The following HMOX1 variants were observed in gnomAD, a reference collection of about 807,000 sequenced individuals.
HMOX1 encodes heat shock protein, 32-kD.
A neutral mutation model predicts 27.8 loss-of-function variants in HMOX1; 22 were observed. The ratio of observed to expected loss-of-function variants is 0.79; its 90% CI spans 0.57 to 1.13. The LOEUF (loss-of-function observed/expected upper bound fraction) is 1.13. HMOX1 is among the 50% of genes most tolerant of loss of function. The pLI, the probability that HMOX1 is intolerant of heterozygous loss-of-function variation, is 0.00. For synonymous variants in HMOX1, 153 were observed against 151.6 expected (o/e 1.01, Z -0.07); for missense variants, 379 against 377.7 (o/e 1.00, Z -0.03).
chr22:35,389,341 C>CTTCTCCT (rs1439407164), intron 3 of HMOX1, among the ~76,000 whole-genome samples: 1 of 62,538 alleles, frequency 1.6e-5, no homozygotes. Flanking sequence ...TTTCTTTCTT[C>CTTCTCCT]TCCTTCCTTC....
At chr22:35,389,438 TTCTTTCTTTCTTTTCTTTCTTTCTTGCA>T (rs1403539666) in intron 3 of HMOX1, among the ~76,000 whole-genome samples, 7 of 119,630 alleles carry the variant, frequency 5.9e-5, no homozygotes, top group African/African-American at 2.6e-4. Flanking sequence ...CTATCTTTCT[TTCTTTCTTTCTTTTCTTTCTTTCTTGCA>T]GAGTCTCGCC....
chr22:35,387,870 G>A (rs573933152), intron 3 of HMOX1, among the ~76,000 whole-genome samples: 22 of 152,320 alleles, frequency 1.4e-4, no homozygotes, highest in African/African-American at 5.3e-4. Context: ...TCTGGTCCTG[G>A]CCCCTGTTAC....
chr22:35,386,112 C>T (rs1316208872), intron 2 of HMOX1, among the ~76,000 whole-genome samples: 16 of 151,918 alleles, frequency 1.1e-4, no homozygotes, highest in African/African-American at 2.7e-4. Context: ...CCCGCCACCA[C>T]GCCCGGCTAA....
At chr22:35,384,127 G>T (rs1931451293) in intron 2 of HMOX1, among the ~76,000 whole-genome samples, 1 of 151,746 alleles carries the variant, frequency 6.6e-6, no homozygotes, top group African/African-American at 2.4e-5. Context: ...TGTTGTCCGG[G>T]CTGGAGTGCA....
chr22:35,393,182 G>T (rs1931765735), intron 4 of HMOX1, among the ~76,000 whole-genome samples: 1 of 152,196 alleles, frequency 6.6e-6, no homozygotes, highest in Non-Finnish European at 1.5e-5. Flanking sequence ...GAGAGGACAG[G>T]GAGCAGGCAG....
At chr22:35,388,840 C>T (rs575684452) in intron 3 of HMOX1, among the ~76,000 whole-genome samples, 1 of 151,860 alleles carries the variant, frequency 6.6e-6, no homozygotes, top group South Asian at 2.1e-4. Context: ...TAGTGCCTGA[C>T]CTCTGGATCA....
In HMOX1 at chr22:35,389,915, C is replaced by A; in HGVS notation, c.688C>A (p.Pro230Thr). The A allele has an allele frequency of 1.9e-6, 3 of 1,612,168 alleles. 1 individual carries two copies. In the South Asian group the frequency reaches 3.3e-5, roughly 18 times the overall value. The change falls in exon 4 of 5, where the codon CCC becomes ACC. Residue 230 changes from proline to threonine, a missense_variant. By Grantham distance (38) the Pro-to-Thr change is conservative (BLOSUM62 -1). Transcript: ENST00000216117. ...GACCCATGACACCAAGGACCAGAGC[C>A]CCTCACGGGCACCAGGGCTTCGCCA... The part of the protein sequence containing the change: ...LLTHDTKDQS[P>T]SRAPGLRQRA...
intron 3 of HMOX1, among the ~76,000 whole-genome samples, chr22:35,389,520 G>A (rs904510143): frequency 7.3e-5 from 11 of 150,274 alleles, no homozygotes; most frequent in Non-Finnish European, 1.5e-5. Flanking sequence ...TTGGCTCACT[G>A]CAACCTCAGC....
intron 4 of HMOX1, chr22:35,390,236 T>C (rs1020687710): frequency 7.4e-5 from 34 of 460,524 alleles, no homozygotes; most frequent in East Asian, 2.1e-4. Flanking sequence ...GAATGTTTGT[T>C]GTTGTTGTTG....
intron 3 of HMOX1, among the ~76,000 whole-genome samples, chr22:35,388,802 C>CAAAAAAAAA: frequency 7.2e-6 from 1 of 138,954 alleles, no homozygotes; most frequent in Non-Finnish European, 1.5e-5. Flanking sequence ...GTATTAAAAA[C>CAAAAAAAAA]AAAAAACAAA....
rs574454960 is a variant in HMOX1, at chr22:35,386,764, C to T, written c.224C>T (p.Ala75Val). The part of the protein sequence containing the change: ...IERNKESPVF[A>V]PVYFPEELHR... ...CGCAACAAGGAGAGCCCAGTCTTCG[C>T]CCCTGTCTACTTCCCAGAAGAGCTG... Residue 75 changes from alanine (A) to valine (V), a missense_variant, in exon 3 of 5, where the codon GCC becomes GTC. Coordinates refer to ENST00000216117, the MANE Select transcript of HMOX1 (RefSeq NM_002133.3). The T allele has an allele frequency of 1.2e-6, 2 of 1,614,242 alleles. No individual in the cohort carries two copies. The highest frequency in any genetic ancestry group is 2.7e-5 in the African/African-American group (2 of 75,064).
At position 35,389,269 on chromosome 22, in the gene HMOX1, TCTC is replaced by T. The variant is rs1424530431; in HGVS notation, c.637-594_637-592del. ...TTTCTTTTCTCTCTCTCTCTCTCTC[TCTC>T]TCCTCTCTCTCTCTCTCTTCTTTCT... On this transcript the variant is annotated intron_variant, in intron 3 of 4. Coordinates refer to ENST00000216117, the MANE Select transcript of HMOX1 (RefSeq NM_002133.3). Among the ~76,000 whole-genome samples the T allele has an allele frequency of 8.7e-5, 11 of 126,384 alleles. 1 individual carries two copies. Among genetic ancestry groups the T allele is most frequent in the Non-Finnish European group, 1.7e-4 (11 of 64,236 alleles). The allele number at this position is 126,384 out of a possible 152,430, so 82.9% of individuals were successfully genotyped here. A position where few individuals can be genotyped will look rare whatever the true frequency, so the allele number is the denominator to read the frequency against.
rs559686927 is a variant in HMOX1 at position 35,388,996 on chromosome 22, T to C, written c.637-868T>C. Among the ~76,000 whole-genome samples, 4 of 152,236 alleles carry C rather than the reference T, an allele frequency of 2.6e-5. No homozygotes were observed. The East Asian group carries it at 7.7e-4, about 29-fold the overall frequency. On this transcript the variant is annotated intron_variant, in intron 3 of 4. Coordinates refer to ENST00000216117, the MANE Select transcript of HMOX1 (RefSeq NM_002133.3). ...AGCAGCGGCAGAAGAGTGCATGTAC[T>C]AGGATACCACTTAATATTATTTCAA...
intron 3 of HMOX1, among the ~76,000 whole-genome samples, chr22:35,389,391 C>CCTTCCTTCCTTCCTTCCTTCCTTT (rs1931636921): frequency 2.0e-5 from 1 of 49,798 alleles, no homozygotes; most frequent in African/African-American, 1.2e-4. Flanking sequence ...TTCCTTCCTT[C>CCTTCCTTCCTTCCTTCCTTCCTTT]CTTCCTTTCT....
Position 35,383,981 on chromosome 22 carries a change from G to C in HMOX1, c.144+755G>C, listed in dbSNP as rs181930860. The stretch of plus-strand genomic sequence containing the variant: ...CTTGTTCAGGTTGAACAGAGGGTGT[G>C]GGGGTGGGGAGTAGGGAGCTATATC... On this transcript the variant is annotated intron_variant, in intron 2 of 4. Transcript: ENST00000216117. Among the ~76,000 whole-genome samples the C allele has an allele frequency of 1.0e-3, 152 of 152,214 alleles. 1 individual carries two copies. Among genetic ancestry groups the C allele is most frequent in the Admixed American group, 1.7e-3 (26 of 15,288 alleles).
Position 35,389,128 on chromosome 22 carries a change from G to A in HMOX1, c.637-736G>A, listed in dbSNP as rs186322218. ...TTATCGGTTGGGAGGGCAAGAGCAG[G>A]CAGGGGAGCCAATTGGGCTTGGAAC... On this transcript the variant is annotated intron_variant, in intron 3 of 4. Transcript: ENST00000216117. Among the ~76,000 whole-genome samples the A allele has an allele frequency of 1.4e-3, 207 of 152,242 alleles. 2 individuals are homozygous for A. Among genetic ancestry groups the A allele is most frequent in the African/African-American group, 4.8e-3 (198 of 41,510 alleles).
intron 4 of HMOX1, among the ~76,000 whole-genome samples, chr22:35,392,721 T>TC (rs1444804324): frequency 6.6e-6 from 1 of 150,970 alleles, no homozygotes; most frequent in African/African-American, 2.4e-5. Flanking sequence ...TTAAATCTTT[T>TC]TTTTTTTTTT....
intron 3 of HMOX1, 132 bp from the exon 4 acceptor site, chr22:35,389,732 T>A: frequency 1.4e-6 from 1 of 726,866 alleles, no homozygotes; most frequent in Non-Finnish European, 2.4e-6. Flanking sequence ...CGCACCACCG[T>A]GTCCGGCCAA....
At chr22:35,389,538 G>A (rs1931660939) in intron 3 of HMOX1, among the ~76,000 whole-genome samples, 1 of 150,922 alleles carries the variant, frequency 6.6e-6, no homozygotes, top group African/African-American at 2.5e-5. Context: ...AGCTTCCCAG[G>A]TTCAAGCATT....
Sources: allele counts gnomAD v4.1 joint callset (sites outside exome capture counted in the v4.1 genomes callset), GRCh38; gene constraint gnomAD v4.1.1; transcripts MANE v1.5; gene names NCBI Gene and HGNC (gene_info 2026-07-23, HGNC 2026-07-21).